The following GABRG2 variants were observed in gnomAD, a reference collection of about 807,000 sequenced individuals.
GABRG2 encodes the protein gamma-aminobutyric acid receptor subunit gamma-2.
GABRG2 carries 16 observed loss-of-function variants against 56.4 expected under a neutral mutation model. The ratio of observed to expected loss-of-function variants is 0.28; its 90% CI spans 0.19 to 0.43. The LOEUF (loss-of-function observed/expected upper bound fraction) is 0.43. Among genes scored for constraint, GABRG2 ranks in the 20% least tolerant of loss-of-function variants. The pLI, the probability that GABRG2 is intolerant of heterozygous loss-of-function variation, is 1.00. For missense variants in GABRG2, 327 were observed against 582.7 expected, an observed-to-expected ratio of 0.56 and a Z score of 4.52; for synonymous variants, 208 against 205.5, an observed-to-expected ratio of 1.01 and a Z score of -0.10.
intron 1 of GABRG2, among the ~76,000 whole-genome samples, chr5:162,069,083 G>A (rs1278340226): frequency 2.6e-5 from 4 of 152,090 alleles, no homozygotes; most frequent in African/African-American, 7.2e-5. Context: ...CCCTGAGAAT[G>A]TGTATGCCCT....
chr5:162,087,261 C>T (rs1242507122), intron 1 of GABRG2, among the ~76,000 whole-genome samples: 1 of 152,044 alleles, frequency 6.6e-6, no homozygotes, highest in Non-Finnish European at 1.5e-5. Flanking sequence ...TCTGAACTAA[C>T]ATAATTTTAA....
At chr5:162,112,983 C>G (rs1019759762) in intron 6 of GABRG2, among the ~76,000 whole-genome samples, 6 of 151,962 alleles carry the variant, frequency 3.9e-5, no homozygotes, top group African/African-American at 1.5e-4. Context: ...GACAGAGTCT[C>G]GCTCTGTTAC....
At chr5:162,098,502 T>A (rs1761164374) in intron 4 of GABRG2, 1 of 152,740 alleles carries the variant, frequency 6.5e-6, no homozygotes, top group African/African-American at 2.4e-5. Context: ...TAGCACTTCA[T>A]ACTTTGCATT....
chr5:162,068,098 C>A lies in GABRG2; in HGVS notation c.99C>A (p.Leu33=). Residue 33 remains leucine, a synonymous_variant, in exon 1 of 10, where the codon CTC becomes CTA. Coordinates refer to ENST00000639213, the MANE Select transcript of GABRG2 (RefSeq NM_198904.4). Reference sequence around the variant, plus strand: ...TGTGGATTCTGCTCCTGCTGTCGCTCTACCCTGGGTAAGATGTGCCCTTTT... The same window carrying A: ...TGTGGATTCTGCTCCTGCTGTCGCTATACCCTGGGTAAGATGTGCCCTTTT... ...MTVWILLLLS[L]YPGFTSQKSD... 1 of 1,611,806 alleles carries A rather than the reference C, an allele frequency of 6.2e-7. No homozygotes were observed. The highest frequency in any genetic ancestry group is 8.5e-7 in the Non-Finnish European group (1 of 1,178,440).
In GABRG2 at chr5:162,120,530, A is replaced by T. The variant is rs939930944; in HGVS notation, c.769+16504A>T. ...CAAGAACTATAGCTTTTTCTTGACT[A>T]TTCATCTTTCAACATAAGATGTAGA... On this transcript the variant is annotated intron_variant, in intron 6 of 9. Transcript: ENST00000639213. 5.3e-5 allele frequency among the ~76,000 whole-genome samples: 8 copies of T among 152,074 alleles called. No individual in the cohort carries two copies. The East Asian group carries it at 1.6e-3, about 29-fold the overall frequency.
intron 4 of GABRG2, among the ~76,000 whole-genome samples, chr5:162,100,980 A>T (rs1435304204): frequency 6.6e-6 from 1 of 152,164 alleles, no homozygotes; most frequent in Non-Finnish European, 1.5e-5. Context: ...CCAAAAACTT[A>T]AGTGATCATA....
intron 6 of GABRG2, among the ~76,000 whole-genome samples, chr5:162,105,140 A>G (rs1443211561): frequency 6.6e-6 from 1 of 152,156 alleles, no homozygotes; most frequent in Non-Finnish European, 1.5e-5. Context: ...TTGCGTATGG[A>G]ATAATTTGGA....
intron 5 of GABRG2, chr5:162,102,947 C>A (rs1761544486): frequency 6.4e-6 from 1 of 156,504 alleles, no homozygotes; most frequent in African/African-American, 2.4e-5. Context: ...TGTTCATAAT[C>A]AAACTAATCT....
chr5:162,089,071 G>T (rs2113260742), intron 1 of GABRG2, among the ~76,000 whole-genome samples: 1 of 152,158 alleles, frequency 6.6e-6, no homozygotes, highest in African/African-American at 2.4e-5. Flanking sequence ...TGATGGGTGA[G>T]TGGGCAACAA....
At chr5:162,090,871 TTATGGA>T (rs1760520080) in intron 1 of GABRG2, among the ~76,000 whole-genome samples, 1 of 152,148 alleles carries the variant, frequency 6.6e-6, no homozygotes, top group Non-Finnish European at 1.5e-5. Context: ...CCAGACATTC[TTATGGA>T]GTCTACAGTT....
chr5:162,151,389 G>A (rs1180051792), intron 8 of GABRG2: 18 of 225,252 alleles, frequency 8.0e-5, no homozygotes, highest in Admixed American at 4.3e-4. Flanking sequence ...TAAGTTATCC[G>A]TGATGATAAT....
chr5:162,095,138 G>A (rs1199995963), intron 2 of GABRG2, among the ~76,000 whole-genome samples: 2 of 152,114 alleles, frequency 1.3e-5, no homozygotes, highest in Admixed American at 6.6e-5. Flanking sequence ...TCAGGGACAT[G>A]CTCAAGTCAA....
intron 6 of GABRG2, among the ~76,000 whole-genome samples, chr5:162,141,279 C>T (rs75357988): frequency 0.02 from 3,093 of 152,218 alleles, 112 homozygotes; most frequent in East Asian, 0.18. Context: ...CCTCATGATC[C>T]GCCCTCCTCG....
intron 6 of GABRG2, among the ~76,000 whole-genome samples, chr5:162,130,419 C>T (rs145789695): frequency 1.3e-5 from 2 of 151,870 alleles, no homozygotes; most frequent in East Asian, 3.9e-4. Context: ...TTTTAGAAGG[C>T]TTGGTATTCT....
chr5:162,145,946 A>G (rs1000013998), intron 7 of GABRG2, among the ~76,000 whole-genome samples: 2 of 152,216 alleles, frequency 1.3e-5, no homozygotes, highest in Non-Finnish European at 2.9e-5. Context: ...TAGTTAAGAA[A>G]TAGAACTTTC....
rs2113654261 is a variant in GABRG2 at position 162,154,020 on chromosome 5, T to G, written c.*652T>G. 1 of 153,080 alleles carries G rather than the reference T, an allele frequency of 6.5e-6. No individual in the cohort carries two copies. Among genetic ancestry groups the G allele is most frequent in the Non-Finnish European group, 1.5e-5 (1 of 68,342 alleles). The allele number at this position is 153,080 out of a possible 1,614,324, so 9.5% of individuals were successfully genotyped here. On this transcript the variant is annotated 3_prime_UTR_variant, in exon 10 of 10. Coordinates refer to ENST00000639213, the MANE Select transcript of GABRG2 (RefSeq NM_198904.4). Reference sequence around the variant, plus strand: ...TGTCTTTTATTTTGTGTCCTTGGGCTATAAAAGATTCCTGAATGTAATTAT... The same window carrying G: ...TGTCTTTTATTTTGTGTCCTTGGGCGATAAAAGATTCCTGAATGTAATTAT...
At chr5:162,137,951 A>AT (rs1490330611) in intron 6 of GABRG2, among the ~76,000 whole-genome samples, 1 of 149,268 alleles carries the variant, frequency 6.7e-6, no homozygotes, top group African/African-American at 2.5e-5. Context: ...GTAGTGATAG[A>AT]TTTTCACTAC....
chr5:162,153,157 A>G lies in GABRG2; in HGVS notation c.1217A>G (p.Gln406Arg). ...CAAATGAATAATGCTACACACCTTC[A>G]AGAGAGAGATGAAGAGTACGGCTAT... ...TIQMNNATHL[Q>R]ERDEEYGYEC... Residue 406 changes from glutamine (Q) to arginine (R), a missense_variant, in exon 10 of 10, where the codon CAA (glutamine) becomes CGA (arginine). Physicochemically the swap from Gln to Arg is conservative, Grantham distance 43 (BLOSUM62 1). This residue lies in a region of GABRG2 where 108 missense variants were observed against 144.2 expected (regional missense o/e 0.75). Transcript: ENST00000639213. 1 of 1,614,038 alleles carries G rather than the reference A, an allele frequency of 6.2e-7. No homozygotes were observed. The highest frequency in any genetic ancestry group is 8.5e-7 in the Non-Finnish European group (1 of 1,179,962).
At chr5:162,067,510 G>T, upstream of GABRG2, 1 of 424,600 alleles carries the variant, frequency 2.4e-6, no homozygotes, top group Non-Finnish European at 4.2e-6. Flanking sequence ...AGTTAATCAC[G>T]CAGAGTCTCT....
Sources: gnomAD v4.1 joint callset for allele counts (sites outside exome capture counted in the v4.1 genomes callset) on GRCh38, gnomAD v4.1.1 for gene constraint, gnomAD v4.1.1 regional missense constraint, MANE v1.5 for transcripts, NCBI Gene and HGNC (gene_info 2026-07-23, HGNC 2026-07-21) for gene names.